Variants in SGK3 observed in about 807,000 individuals in gnomAD.
SGK3 encodes the protein serum/glucocorticoid regulated kinase family member 3, also known as serine/threonine-protein kinase Sgk3.
A neutral mutation model predicts 68.5 loss-of-function variants in SGK3; 47 were observed. The observed-to-expected ratio is 0.69, with a 90% CI of 0.54 to 0.87. The LOEUF is 0.87. Ranked by LOEUF, SGK3 falls within the 40% of genes least tolerant of loss-of-function variation. The pLI is 0.00. For missense variants in SGK3, 479 were observed against 575.5 expected, an observed-to-expected ratio of 0.83 and a Z score of 1.72; for synonymous variants, 181 against 189.1, an observed-to-expected ratio of 0.96 and a Z score of 0.35.
intron 1 of SGK3, among the ~76,000 whole-genome samples, chr8:66,741,935 G>A (rs1203092685): frequency 6.6e-6 from 1 of 152,190 alleles, no homozygotes; most frequent in African/African-American, 2.4e-5. Context: ...CTAGGATGGG[G>A]GCAGTGCCCC....
In SGK3 at chr8:66,822,446, G is replaced by C. The variant is rs1293833639; in HGVS notation, c.404G>C (p.Arg135Thr). 6.2e-7 allele frequency: 1 copy of C among 1,611,200 alleles called. No individual in the cohort carries two copies. The highest frequency in any genetic ancestry group is 8.5e-7 in the Non-Finnish European group (1 of 1,178,656). ...GATCCATCTGAAGATGAGGATGAAA[G>C]AAGTTCTCAGAAGGTAGTAAGAGGA... ...QSDPSEDEDE[R>T]SSQKLHSTSQ... The change falls in exon 6 of 17, where the codon AGA becomes ACA. Residue 135 changes from arginine (R) to threonine (T), a missense_variant. Arg to Thr is a moderately conservative substitution (Grantham distance 71). Transcript: ENST00000521198.
intron 1 of SGK3, among the ~76,000 whole-genome samples, chr8:66,749,932 GGTGT>G (rs139702561): frequency 0.043 from 6,224 of 144,844 alleles, 190 homozygotes; most frequent in Admixed American, 0.065. Context: ...TAGTTTCTAG[GGTGT>G]GTGTGTGTGT....
intron 7 of SGK3, 122 bp downstream of exon 7, chr8:66,828,825 A>G: frequency 8.4e-7 from 1 of 1,194,234 alleles, no homozygotes; most frequent in Non-Finnish European, 1.2e-6. Flanking sequence ...AACCATAGTT[A>G]CAGTGAATAC....
Position 66,841,100 on chromosome 8 carries a change from G to T in SGK3, c.968G>T (p.Gly323Val). The change falls in exon 13 of 17, where the codon GGG becomes GTG. Residue 323 changes from glycine (G) to valine (V), a missense_variant. Around this residue, in one of 3 missense-constraint regions of SGK3, gnomAD observed 173 missense variants for 214.3 expected, o/e 0.81. Transcript: ENST00000521198. Reference protein sequence around the residue: ...AISDTTTTFCGTPEYLAPEVI... With the variant: ...AISDTTTTFCVTPEYLAPEVI... Reference sequence around the variant, plus strand: ...TCTGACACCACTACCACATTTTGTGGGACACCAGAGGTAAGAAATATATCT... The same window carrying T: ...TCTGACACCACTACCACATTTTGTGTGACACCAGAGGTAAGAAATATATCT... 2 of 1,582,024 alleles carry T rather than the reference G, an allele frequency of 1.3e-6. No individual in the cohort carries two copies. The highest frequency in any genetic ancestry group is 1.8e-5 in the Admixed American group (1 of 55,294).
chr8:66,760,330 C>CTTTTTTTTTT (rs201559163), intron 1 of SGK3, among the ~76,000 whole-genome samples: 7 of 115,646 alleles, frequency 6.1e-5, no homozygotes, highest in East Asian at 2.5e-4. Flanking sequence ...TTTCTTTTTT[C>CTTTTTTTTTT]TTTTTTTTTT....
intron 14 of SGK3, among the ~76,000 whole-genome samples, chr8:66,844,656 G>A (rs1043899817): frequency 3.3e-5 from 5 of 152,182 alleles, no homozygotes; most frequent in Admixed American, 6.5e-5. Context: ...AACCATGTGC[G>A]AATCCCTGAG....
intron 1 of SGK3, among the ~76,000 whole-genome samples, chr8:66,790,044 C>T (rs1295151803): frequency 6.6e-6 from 1 of 152,094 alleles, no homozygotes; most frequent in Non-Finnish European, 1.5e-5. Flanking sequence ...CGCCACTGCA[C>T]TGCAGCCTAG....
intron 1 of SGK3, among the ~76,000 whole-genome samples, chr8:66,741,712 C>A (rs1271455188): frequency 6.6e-6 from 1 of 151,568 alleles, no homozygotes; most frequent in Non-Finnish European, 1.5e-5. Flanking sequence ...ATTAAAAATT[C>A]AAAAAAATAA....
chr8:66,736,304 T>A (rs1177651305), intron 1 of SGK3, among the ~76,000 whole-genome samples: 1 of 152,170 alleles, frequency 6.6e-6, no homozygotes, highest in African/African-American at 2.4e-5. Context: ...ATAAATGTAG[T>A]ACAGCAATTA....
chr8:66,717,294 C>T (rs1804664786), intron 1 of SGK3, among the ~76,000 whole-genome samples: 1 of 151,378 alleles, frequency 6.6e-6, no homozygotes, highest in African/African-American at 2.4e-5. Flanking sequence ...TTTTGGGAGG[C>T]TGAGGCTGGT....
intron 1 of SGK3, among the ~76,000 whole-genome samples, chr8:66,736,034 CATT>C (rs1805307302): frequency 2.0e-5 from 3 of 152,128 alleles, no homozygotes; most frequent in African/African-American, 7.2e-5. Flanking sequence ...TTCAGTGACT[CATT>C]ATCTATTTTT....
chr8:66,724,513 T>C (rs951966208), intron 1 of SGK3, among the ~76,000 whole-genome samples: 1 of 151,998 alleles, frequency 6.6e-6, no homozygotes, highest in Non-Finnish European at 1.5e-5. Context: ...AAGGTGGAGG[T>C]TGCAGTGAGC....
chr8:66,720,795 A>ATATATATATATATATATATATATATAT (rs1554590881), intron 1 of SGK3, among the ~76,000 whole-genome samples: 2 of 150,766 alleles, frequency 1.3e-5, no homozygotes, highest in African/African-American at 4.9e-5. Context: ...ATATATATAT[A>ATATATATATATATATATATATATATAT]ATTAGCCAGG....
At chr8:66,819,179 T>C (rs903846323) in intron 5 of SGK3, among the ~76,000 whole-genome samples, 2 of 152,160 alleles carry the variant, frequency 1.3e-5, no homozygotes, top group African/African-American at 4.8e-5. Context: ...TAAAATACAG[T>C]TTTTCACATC....
intron 13 of SGK3, among the ~76,000 whole-genome samples, chr8:66,842,311 C>G (rs900975823): frequency 3.3e-5 from 5 of 151,240 alleles, no homozygotes; most frequent in African/African-American, 1.2e-4. Context: ...AGCTCCGCCT[C>G]CCAGGTTCAC....
chr8:66,826,500 A>G (rs941482163), intron 6 of SGK3, among the ~76,000 whole-genome samples: 4 of 152,342 alleles, frequency 2.6e-5, no homozygotes, highest in Non-Finnish European at 5.9e-5. Context: ...CATTAAAGGC[A>G]ACTCTTAGTT....
intron 2 of SGK3, among the ~76,000 whole-genome samples, chr8:66,794,142 G>C (rs1056379605): frequency 4.6e-5 from 7 of 152,192 alleles, no homozygotes; most frequent in Non-Finnish European, 7.4e-5. Flanking sequence ...TGTGTGCACT[G>C]TCAGGAATTA....
At chr8:66,746,788 TG>T (rs1449953323) in intron 1 of SGK3, among the ~76,000 whole-genome samples, 1 of 152,058 alleles carries the variant, frequency 6.6e-6, no homozygotes, top group Non-Finnish European at 1.5e-5. Flanking sequence ...TTTGAACTCC[TG>T]GCCTCAAGTG....
chr8:66,735,478 G>A (rs955310132), intron 1 of SGK3, among the ~76,000 whole-genome samples: 2 of 152,166 alleles, frequency 1.3e-5, no homozygotes, highest in African/African-American at 4.8e-5. Flanking sequence ...TATAAAGCTT[G>A]GGTCCCCTGG....
Sources: allele counts gnomAD v4.1 joint callset (sites outside exome capture counted in the v4.1 genomes callset), GRCh38; gene constraint gnomAD v4.1.1; regional missense constraint gnomAD v4.1.1; transcripts MANE v1.5; gene names NCBI Gene and HGNC (gene_info 2026-07-23, HGNC 2026-07-21).